The following FAM177A1 variants were observed in gnomAD, a reference collection of about 807,000 sequenced individuals.
FAM177A1 encodes the protein family with sequence similarity 177 member A1.
FAM177A1 carries 22 observed loss-of-function variants against 26.1 expected under a neutral mutation model. That is an observed-to-expected ratio of 0.84 (90% CI 0.60 to 1.20). FAM177A1 has a LOEUF of 1.20. Among genes scored for constraint, FAM177A1 ranks in the 50% most tolerant of loss-of-function variants. The pLI is 0.00. For missense variants in FAM177A1, 296 were observed against 291.1 expected, an observed-to-expected ratio of 1.02 and a Z score of -0.12; for synonymous variants, 95 against 99.3, an observed-to-expected ratio of 0.96 and a Z score of 0.26.
At chr14:35,054,508 C>T (rs535288738) in intron 2 of FAM177A1, among the ~76,000 whole-genome samples, 2 of 152,148 alleles carry the variant, frequency 1.3e-5, no homozygotes, top group East Asian at 3.9e-4. Flanking sequence ...ATATAAATTT[C>T]TGCTCTCATA....
intron 2 of FAM177A1, among the ~76,000 whole-genome samples, chr14:35,054,373 A>G (rs2138530839): frequency 1.3e-5 from 2 of 152,318 alleles, no homozygotes; most frequent in East Asian, 1.9e-4. Context: ...TATATTTATA[A>G]AGAAATTTTT....
At chr14:35,069,076 G>T (rs1201947736) in intron 2 of FAM177A1, among the ~76,000 whole-genome samples, 1 of 152,144 alleles carries the variant, frequency 6.6e-6, no homozygotes, top group Non-Finnish European at 1.5e-5. Context: ...GATATTAATG[G>T]TTTTCTCAGT....
chr14:35,046,324 C>A lies in FAM177A1; in HGVS notation c.-140C>A. On this transcript the variant is annotated 5_prime_UTR_variant, in exon 1 of 5. Coordinates refer to ENST00000280987, the MANE Select transcript of FAM177A1 (RefSeq NM_173607.5). ...GCGGAGCCCGGCGGGCTAGGCGAGGCGCGGGCTGGCCCCGCCCCTCAGGCC... is the reference window on the plus strand; with the variant it reads ...GCGGAGCCCGGCGGGCTAGGCGAGGAGCGGGCTGGCCCCGCCCCTCAGGCC... The A allele has an allele frequency of 3.8e-6, 4 of 1,042,918 alleles. No individual in the cohort carries two copies. The highest frequency in any genetic ancestry group is 5.2e-6 in the Non-Finnish European group (4 of 771,790). 64.6% of individuals were successfully genotyped at this position (1,042,918 alleles called of 1,614,324 possible). A position where few individuals can be genotyped will look rare whatever the true frequency, so the allele number is the denominator to read the frequency against.
intron 2 of FAM177A1, among the ~76,000 whole-genome samples, chr14:35,060,581 T>C (rs2045136375): frequency 6.6e-6 from 1 of 152,192 alleles, no homozygotes; most frequent in African/African-American, 2.4e-5. Context: ...CTCTGGGTAC[T>C]GTGCCCCCAT....
chr14:35,055,439 CTG>C (rs1222318530), intron 2 of FAM177A1, among the ~76,000 whole-genome samples: 10 of 149,734 alleles, frequency 6.7e-5, no homozygotes, highest in Non-Finnish European at 1.2e-4. Flanking sequence ...CATGCAATAA[CTG>C]TTTTTTTTTT....
rs751706767 is a variant in FAM177A1 at position 35,080,979 on chromosome 14, CT to C, written c.505-40del. The C allele has an allele frequency of 6.1e-5, 90 of 1,474,458 alleles. No homozygotes were observed. In the African/African-American group the frequency reaches 1.2e-3, roughly 19 times the overall value. 91.3% of individuals were successfully genotyped at this position (1,474,458 alleles called of 1,614,324 possible). A position where few individuals can be genotyped will look rare whatever the true frequency, so the allele number is the denominator to read the frequency against. On this transcript the variant is annotated intron_variant, in intron 4 of 4. Transcript: ENST00000280987. Reference sequence around the variant, plus strand: ...AAAACAGCACTATATACCTTTTGGACTTTCGTATTTCAACTATTCTTGATAT... The same window carrying C: ...AAAACAGCACTATATACCTTTTGGACTTCGTATTTCAACTATTCTTGATAT...
rs778697183 is a variant in FAM177A1 at position 35,053,353 on chromosome 14, A to G, written c.241A>G (p.Ile81Val). ...GKKKKVPRRV[I>V]HFVSGETMEE... The stretch of plus-strand genomic sequence containing the variant: ...AAAGAAGAAAGTCCCAAGGAGAGTC[A>G]TCCACTTTGTTAGTGGTGAAACAAT... Residue 81 changes from isoleucine to valine, a missense_variant, in exon 2 of 5, where the codon ATC becomes GTC. Physicochemically the swap from Ile to Val is conservative, Grantham distance 29 (BLOSUM62 3). Transcript: ENST00000280987. The G allele has an allele frequency of 6.2e-7, 1 of 1,614,142 alleles. No individual in the cohort carries two copies. Among genetic ancestry groups the G allele is most frequent in the Non-Finnish European group, 8.5e-7 (1 of 1,179,992 alleles).
chr14:35,046,489 C>G lies in FAM177A1; in HGVS notation c.26C>G (p.Thr9Ser). The G allele has an allele frequency of 6.2e-7, 1 of 1,600,564 alleles. No individual in the cohort carries two copies. Among genetic ancestry groups the G allele is most frequent in the Non-Finnish European group, 8.5e-7 (1 of 1,175,106 alleles). Residue 9 changes from threonine to serine, a missense_variant, in exon 1 of 5, where the codon ACC (threonine) becomes AGC (serine). Thr to Ser is a moderately conservative substitution (Grantham distance 58). Transcript: ENST00000280987. ...ATGGAAGTGGGCTTACCGGCCATTA[C>G]CCTCTTTCTCACCAGCGCCAGCAGC... Reference protein sequence around the residue: MEVGLPAITLFLTSASSPV... With the variant: MEVGLPAISLFLTSASSPV...
Position 35,077,208 on chromosome 14 carries a change from C to T in FAM177A1, c.398C>T (p.Thr133Ile). 1 of 1,613,696 alleles carries T rather than the reference C, an allele frequency of 6.2e-7. No individual in the cohort carries two copies. The highest frequency in any genetic ancestry group is 8.5e-7 in the Non-Finnish European group (1 of 1,179,770). Residue 133 changes from threonine to isoleucine, a missense_variant, in exon 3 of 5, where the codon ACT becomes ATT. By Grantham distance (89) the Thr-to-Ile change is moderately conservative. Transcript: ENST00000280987. ...WFYMLRAATS[T>I]LSVCDFLGEK... ...TACATGCTTCGGGCTGCTACATCAACTCTCTCAGGTATTGCTTTTCTGCTT... is the reference window on the plus strand; with the variant it reads ...TACATGCTTCGGGCTGCTACATCAATTCTCTCAGGTATTGCTTTTCTGCTT...
At chr14:35,046,253 G>A (rs2044858356), upstream of FAM177A1, 2 of 451,802 alleles carry the variant, frequency 4.4e-6, no homozygotes, top group South Asian at 1.0e-4. Context: ...CCCCGCGCGA[G>A]CCGGTAGTTG....
chr14:35,050,466 C>G (rs1566666027), intron 1 of FAM177A1: 1 of 152,104 alleles, frequency 6.6e-6, no homozygotes, highest in Non-Finnish European at 1.5e-5. Context: ...CATTGCCCCC[C>G]ACCCCGCCTC....
chr14:35,080,911 ACTT>A, intron 4 of FAM177A1, 108 bp from the exon 5 acceptor site: 22 of 1,023,762 alleles, frequency 2.1e-5, no homozygotes, highest in Non-Finnish European at 2.9e-5. Flanking sequence ...TGAACATGAC[ACTT>A]TTTTTTTTTT....
At chr14:35,063,612 A>G (rs1425134623) in intron 2 of FAM177A1, among the ~76,000 whole-genome samples, 1 of 152,102 alleles carries the variant, frequency 6.6e-6, no homozygotes, top group Non-Finnish European at 1.5e-5. Flanking sequence ...CATAGTTCCT[A>G]TTTAGTGTCA....
Position 35,081,154 on chromosome 14 carries a change from G to A in FAM177A1, c.637G>A (p.Val213Ile). 1.2e-6 allele frequency: 2 copies of A among 1,613,510 alleles called. No homozygotes were observed. The highest frequency in any genetic ancestry group is 2.2e-5 in the East Asian group (1 of 44,766). ...AGTGATATCCAGCTCATTTGTGAAT[G>A]TCAATTTTGAAATGGAGGGAGACAG... ...ETVISSSFVN[V>I]NFEMEGDSEV... The change falls in exon 5 of 5, where the codon GTC (valine) becomes ATC (isoleucine). Residue 213 changes from valine (V) to isoleucine (I), a missense_variant. Val to Ile is a conservative substitution (Grantham distance 29). Coordinates refer to ENST00000280987, the MANE Select transcript of FAM177A1 (RefSeq NM_173607.5).
At chr14:35,075,949 C>A (rs2045387949) in intron 2 of FAM177A1, among the ~76,000 whole-genome samples, 1 of 152,146 alleles carries the variant, frequency 6.6e-6, no homozygotes, top group Admixed American at 6.5e-5. Context: ...ACAACAGGTG[C>A]TGGACAGGAT....
chr14:35,053,256 TC>T, intron 1 of FAM177A1, 21 bp from the exon 2 acceptor site: 1 of 1,580,502 alleles, frequency 6.3e-7, no homozygotes, highest in South Asian at 1.2e-5. Context: ...AAACTCATTT[TC>T]TTAAAATATC....
At chr14:35,049,193 C>T (rs2044924756) in intron 1 of FAM177A1, among the ~76,000 whole-genome samples, 1 of 152,014 alleles carries the variant, frequency 6.6e-6, no homozygotes, top group South Asian at 2.1e-4. Flanking sequence ...CACCCGGCCT[C>T]CTGTTGTGAC....
intron 2 of FAM177A1, among the ~76,000 whole-genome samples, chr14:35,070,621 C>T (rs949888349): frequency 6.6e-6 from 1 of 152,266 alleles, no homozygotes; most frequent in African/African-American, 2.4e-5. Context: ...AGCCACCACA[C>T]CCGGCGGAGC....
rs756991070 is a variant in FAM177A1, at chr14:35,081,021, GGAAGAAGAA to G, written c.517_525del (p.Glu173_Glu175del). 1.1e-5 allele frequency: 17 copies of G among 1,589,164 alleles called. No homozygotes were observed. The highest frequency in any genetic ancestry group is 1.4e-5 in the African/African-American group (1 of 72,868). ...TTCTTGATATTGCTCCTTTTTTTTA[GGAAGAAGAA>G]GAAGAAGAAGAAAACAGGATGTCTG... On this transcript the variant is annotated inframe_deletion and splice_region_variant, in exon 5 of 5. Coordinates refer to ENST00000280987, the MANE Select transcript of FAM177A1 (RefSeq NM_173607.5).
Sources: allele counts gnomAD v4.1 joint callset (sites outside exome capture counted in the v4.1 genomes callset), GRCh38; gene constraint gnomAD v4.1.1; transcripts MANE v1.5; gene names NCBI Gene and HGNC (gene_info 2026-07-23, HGNC 2026-07-21).